CCDC102A: variants seen among roughly 807,000 people sequenced by gnomAD.
The protein encoded by CCDC102A is coiled-coil domain-containing protein 102A.
In CCDC102A, 40 loss-of-function variants were observed where a neutral mutation model predicts 55.5. That is an observed-to-expected ratio of 0.72 (90% CI 0.56 to 0.94). The LOEUF (loss-of-function observed/expected upper bound fraction) is 0.94, where lower values mean the gene tolerates loss of function less well. Ranked by LOEUF, CCDC102A falls within the 40% of genes least tolerant of loss-of-function variation. The pLI, the probability that CCDC102A is intolerant of heterozygous loss-of-function variation, is 0.00. For synonymous variants in CCDC102A, 323 were observed against 339.0 expected, an observed-to-expected ratio of 0.95 and a Z score of 0.52; for missense variants, 779 against 768.6, an observed-to-expected ratio of 1.01 and a Z score of -0.16.
intron 3 of CCDC102A, among the ~76,000 whole-genome samples, chr16:57,523,220 T>C (rs1372935130): frequency 6.6e-6 from 1 of 151,848 alleles, no homozygotes; most frequent in Non-Finnish European, 1.5e-5. Flanking sequence ...GTTAGTGCAC[T>C]AGGTTGATTT....
Position 57,524,711 on chromosome 16 carries a change from A to G in CCDC102A, c.812+1190T>C, listed in dbSNP as rs1054474701. On this transcript the variant is annotated intron_variant, in intron 3 of 8. Transcript: ENST00000258214. ...ATGAGTCACTGCACCTGGCCATTAT[A>G]TTGATTTTTTAAAAAGGAGTGTGTA... Among the ~76,000 whole-genome samples the G allele has an allele frequency of 8.8e-5, 12 of 135,602 alleles. No homozygotes were observed. In the East Asian group the frequency reaches 1.2e-3, roughly 13 times the overall value. 89.0% of individuals were successfully genotyped at this position (135,602 alleles called of 152,430 possible).
intron 1 of CCDC102A, among the ~76,000 whole-genome samples, chr16:57,530,870 G>A (rs1443433442): frequency 1.3e-5 from 2 of 151,746 alleles, no homozygotes; most frequent in African/African-American, 4.8e-5. Context: ...TCTGTCACCC[G>A]GCCACCTGTG....
At chr16:57,520,968 G>T in intron 4 of CCDC102A, 100 bp downstream of exon 4, 1 of 777,086 alleles carries the variant, frequency 1.3e-6, no homozygotes. Flanking sequence ...ACAACTGTTG[G>T]ATGAATTAAT....
Position 57,518,059 on chromosome 16 carries a change from T to C in CCDC102A, c.1248+9A>G. 1.3e-6 allele frequency: 2 copies of C among 1,588,458 alleles called. No homozygotes were observed. Among genetic ancestry groups the C allele is most frequent in the Non-Finnish European group, 1.7e-6 (2 of 1,169,142 alleles). The stretch of plus-strand genomic sequence containing the variant: ...GCCCCAGCACTGGCCACTCCACTCC[T>C]TGCCCCACCTTGTTCTTCTCGAAGA... On this transcript the variant is annotated intron_variant, in intron 6 of 8. Transcript: ENST00000258214.
chr16:57,524,620 G>C (rs1190858502), intron 3 of CCDC102A, among the ~76,000 whole-genome samples: 9 of 151,900 alleles, frequency 5.9e-5, no homozygotes, highest in Admixed American at 6.6e-5. Context: ...GGGTCTTGCT[G>C]TATGGCCCAG....
intron 8 of CCDC102A, among the ~76,000 whole-genome samples, chr16:57,514,750 A>C (rs1170403607): frequency 6.6e-6 from 1 of 152,166 alleles, no homozygotes; most frequent in Non-Finnish European, 1.5e-5. Flanking sequence ...GGCACAGGTC[A>C]ATGCTGTGGC....
Position 57,512,866 on chromosome 16 carries a change from G to A in CCDC102A, c.1528C>T (p.Arg510Cys), listed in dbSNP as rs758173864. Residue 510 changes from arginine (R) to cysteine (C), a missense_variant, in exon 9 of 9, where the codon CGC becomes TGC. Transcript: ENST00000258214. ...VQLEHLQSRL[R>C]RQQQNAPLFG... ...AGGGGAGCGTTCTGCTGCTGCCTGC[G>A]GAGCCTGTGGGGTGGGGGTGACAGG... 1.1e-5 allele frequency: 18 copies of A among 1,613,052 alleles called. No homozygotes were observed. Among genetic ancestry groups the A allele is most frequent in the African/African-American group, 6.7e-5 (5 of 74,942 alleles).
intron 4 of CCDC102A, among the ~76,000 whole-genome samples, chr16:57,520,734 G>A (rs969301476): frequency 1.3e-5 from 2 of 151,974 alleles, no homozygotes; most frequent in Non-Finnish European, 2.9e-5. Context: ...GGGTCCAGGA[G>A]TTCGAGACCA....
intron 1 of CCDC102A, among the ~76,000 whole-genome samples, chr16:57,534,975 C>T (rs1232732171): frequency 6.6e-6 from 1 of 152,188 alleles, no homozygotes; most frequent in Admixed American, 6.5e-5. Context: ...GGACAGGGGC[C>T]AGCTGAAGGG....
In CCDC102A at chr16:57,516,237, C is replaced by T; in HGVS notation, c.1419+56G>A. The T allele has an allele frequency of 6.4e-7, 1 of 1,557,562 alleles. No individual in the cohort carries two copies. The highest frequency in any genetic ancestry group is 1.1e-5 in the South Asian group (1 of 88,518). ...GGAGAAGCCAGGATGGCCCTGCGGC[C>T]CCCACTCCTCCCTGGCCAAGGTCTG... On this transcript the variant is annotated intron_variant, in intron 7 of 8. Coordinates refer to ENST00000258214, the MANE Select transcript of CCDC102A (RefSeq NM_033212.4). The surrounding 1 kb of genome is among the most constrained non-coding windows in gnomAD (Gnocchi z 4.4).
chr16:57,515,456 A>C lies in CCDC102A; in HGVS notation c.1420-12T>G, dbSNP rs1214238210. On this transcript the variant is annotated splice_polypyrimidine_tract_variant and intron_variant, in intron 7 of 8. Transcript: ENST00000258214. ...TGGGCCTCGTCCAGCTGTGGGGGTG[A>C]GCAGGGCCGAAAGCACGAGGGTCAC... 6.3e-7 allele frequency: 1 copy of C among 1,577,600 alleles called. No homozygotes were observed. The highest frequency in any genetic ancestry group is 8.6e-7 in the Non-Finnish European group (1 of 1,160,122).
intron 1 of CCDC102A, among the ~76,000 whole-genome samples, chr16:57,533,070 C>A (rs1158866382): frequency 6.6e-6 from 1 of 152,182 alleles, no homozygotes; most frequent in African/African-American, 2.4e-5. Flanking sequence ...CCAGGGCAGG[C>A]ACCACCCAGG....
chr16:57,519,437 T>C lies in CCDC102A; in HGVS notation c.922-696A>G, dbSNP rs1256707914. Among the ~76,000 whole-genome samples, 6 of 152,244 alleles carry C rather than the reference T, an allele frequency of 3.9e-5. No homozygotes were observed. In the East Asian group the frequency reaches 1.2e-3, roughly 29 times the overall value. ...TCCACCTTTGTGTCGTTGTATGGCC[T>C]GGGCACAGGGCCGCCCTCAGTGTAC... On this transcript the variant is annotated intron_variant, in intron 4 of 8. Coordinates refer to ENST00000258214, the MANE Select transcript of CCDC102A (RefSeq NM_033212.4).
Position 57,512,816 on chromosome 16 carries a change from G to T in CCDC102A, c.1578C>A (p.Arg526=), listed in dbSNP as rs752491586. Reference sequence around the variant, plus strand: ...CATCCTCGGCCTCCTCGGTGCCAAAGCGAGCACTGCGGATCTTCCCGAAGA... The same window carrying T: ...CATCCTCGGCCTCCTCGGTGCCAAATCGAGCACTGCGGATCTTCCCGAAGA... ...APLFGKIRSA[R]FGTEEAEDGT... The change falls in exon 9 of 9, where the codon CGC becomes CGA. Residue 526 remains arginine (R), a synonymous_variant. Coordinates refer to ENST00000258214, the MANE Select transcript of CCDC102A (RefSeq NM_033212.4). 1.9e-6 allele frequency: 3 copies of T among 1,613,984 alleles called. No individual in the cohort carries two copies. The Admixed American group carries it at 5.0e-5, about 27-fold the overall frequency.
At chr16:57,532,843 G>A (rs1442463924) in intron 1 of CCDC102A, among the ~76,000 whole-genome samples, 1 of 152,206 alleles carries the variant, frequency 6.6e-6, no homozygotes, top group Non-Finnish European at 1.5e-5. Context: ...GGAGGAGGAG[G>A]AGGCAGGAAA....
In CCDC102A at chr16:57,528,610, T is replaced by C; in HGVS notation, c.568A>G (p.Arg190Gly). ...CCGCGCACCTGGCTGCCTGGCGGCC[T>C]CTCGGACCCGACGTCACGCACTGGC... ...REPVRDVGSE[R>G]PPGSQELELV... The change falls in exon 2 of 9, where the codon AGG (arginine) becomes GGG (glycine). Residue 190 changes from arginine to glycine, a missense_variant. By Grantham distance (125) the Arg-to-Gly change is moderately radical. Coordinates refer to ENST00000258214, the MANE Select transcript of CCDC102A (RefSeq NM_033212.4). 1 of 1,272,248 alleles carries C rather than the reference T, an allele frequency of 7.9e-7. No individual in the cohort carries two copies. Among genetic ancestry groups the C allele is most frequent in the Non-Finnish European group, 1.0e-6 (1 of 1,002,306 alleles). The allele number at this position is 1,272,248 out of a possible 1,614,324, so 78.8% of individuals were successfully genotyped here. A position where few individuals can be genotyped will look rare whatever the true frequency, so the allele number is the denominator to read the frequency against.
intron 8 of CCDC102A, 76 bp downstream of exon 8, chr16:57,515,265 T>G (rs923109168): frequency 4.3e-6 from 4 of 921,634 alleles, no homozygotes; most frequent in Non-Finnish European, 6.9e-6. Context: ...CAGCCTTGGT[T>G]TGGGCTCCGT....
rs763931084 is a variant in CCDC102A, at chr16:57,518,711, C to T, written c.952G>A (p.Glu318Lys). The T allele has an allele frequency of 3.1e-5, 50 of 1,609,568 alleles. No individual in the cohort carries two copies. The East Asian group carries it at 4.7e-4, about 15-fold the overall frequency. The change falls in exon 5 of 9, where the codon GAG becomes AAG. Residue 318 changes from glutamate (E) to lysine (K), a missense_variant. Transcript: ENST00000258214. ...LSILKEAHQD[E>K]LGRMSEDLED... The stretch of plus-strand genomic sequence containing the variant: ...AGGTCCTCAGACATGCGGCCCAGCT[C>T]GTCCTGGTGCGCCTCCTTCAGGATG...
chr16:57,528,214 G>C (rs1222006883), intron 2 of CCDC102A, among the ~76,000 whole-genome samples: 1 of 152,164 alleles, frequency 6.6e-6, no homozygotes, highest in African/African-American at 2.4e-5. Flanking sequence ...CCTGCGTCAG[G>C]GACCTCCTCT....
Sources: allele counts gnomAD v4.1 joint callset (sites outside exome capture counted in the v4.1 genomes callset), GRCh38; gene constraint gnomAD v4.1.1; non-coding constraint Gnocchi (gnomAD v3.1); transcripts MANE v1.5; gene names NCBI Gene and HGNC (gene_info 2026-07-23, HGNC 2026-07-21).